The following NEBL variants were observed in gnomAD, a reference collection of about 807,000 sequenced individuals.
NEBL encodes LIM and SH3 protein 2.
Under a neutral mutation model 140.2 loss-of-function variants are expected in NEBL, and 122 were observed. The observed-to-expected ratio is 0.87, with a 90% CI of 0.75 to 1.01. The LOEUF (loss-of-function observed/expected upper bound fraction) is 1.01, where lower values mean the gene tolerates loss of function less well. Among genes scored for constraint, NEBL ranks in the 50% least tolerant of loss-of-function variants. The probability of loss-of-function intolerance (pLI) is 0.00; values close to 1 mark genes in which losing one functional copy is unlikely to be tolerated. For synonymous variants in NEBL, 436 were observed against 398.9 expected (o/e 1.09, Z -1.11); for missense variants, 1,365 against 1,231.3 (o/e 1.11, Z -1.62).
At chr10:20,815,925 T>C (rs370741957) in intron 21 of NEBL, 100 of 546,592 alleles carry the variant, frequency 1.8e-4, no homozygotes, top group African/African-American at 1.7e-3. Context: ...CCTGCCACCA[T>C]GCCTGGCTAA....
At chr10:21,034,188 A>G (rs1223295976) in intron 2 of NEBL, among the ~76,000 whole-genome samples, 1 of 150,730 alleles carries the variant, frequency 6.6e-6, no homozygotes, top group East Asian at 1.9e-4. Flanking sequence ...AAAAAAAAAA[A>G]AAGACCCAAA....
intron 2 of NEBL, among the ~76,000 whole-genome samples, chr10:21,087,993 T>G (rs976645431): frequency 2.0e-5 from 3 of 152,224 alleles, no homozygotes; most frequent in East Asian, 3.8e-4. Flanking sequence ...ATATTATGTA[T>G]CAGTCAGAAC....
chr10:21,263,565 C>T lies in NEBL; in HGVS notation n.183-11737G>A, dbSNP rs369794947. The stretch of plus-strand genomic sequence containing the variant: ...ACTTGTGTGTGCTCTCCTATCTCCC[C>T]GGGGGTTAGTTTTGGGAAGGGACTA... On this transcript the variant is annotated intron_variant and non_coding_transcript_variant, in intron 1 of 8. Transcript: ENST00000675702. 7.2e-5 allele frequency among the ~76,000 whole-genome samples: 11 copies of T among 152,074 alleles called. No individual in the cohort carries two copies. The East Asian group carries it at 1.2e-3, about 16-fold the overall frequency.
rs376692428 is a variant in NEBL at position 20,809,882 on chromosome 10, G to A, written c.2535C>T (p.Arg845=). ...PGIIVDLKVW[R]TDPGSIFDLD... is the part of the protein sequence containing the mutation. ...GGTCGAAGATGGAGCCAGGATCTGT[G>A]CGCCAAACTTTGAGGTCTTTTGCCA... The change falls in exon 25 of 28, where the codon CGC becomes CGT. Residue 845 remains arginine, a synonymous_variant. Transcript: ENST00000377122. The A allele has an allele frequency of 6.2e-7, 1 of 1,611,614 alleles. No individual in the cohort carries two copies. Among genetic ancestry groups the A allele is most frequent in the African/African-American group, 1.3e-5 (1 of 74,294 alleles).
intron 2 of NEBL, among the ~76,000 whole-genome samples, chr10:21,079,589 G>T (rs1836275208): frequency 1.3e-5 from 2 of 152,274 alleles, no homozygotes; most frequent in South Asian, 4.1e-4. Context: ...ATAAACATAG[G>T]GAGGCTCAAC....
At chr10:20,902,127 G>A (rs1467578856), upstream of NEBL, among the ~76,000 whole-genome samples, 1 of 152,062 alleles carries the variant, frequency 6.6e-6, no homozygotes, top group Non-Finnish European at 1.5e-5. Context: ...AAGGTGGCCG[G>A]GCGCGGTGGC....
intron 3 of NEBL, among the ~76,000 whole-genome samples, chr10:20,991,418 T>G (rs999195422): frequency 6.6e-6 from 1 of 152,150 alleles, no homozygotes; most frequent in Non-Finnish European, 1.5e-5. Flanking sequence ...TATCATAAAT[T>G]TTGAACAAAA....
chr10:20,997,415 T>C (rs1589121279), intron 3 of NEBL, among the ~76,000 whole-genome samples: 2 of 128,644 alleles, frequency 1.6e-5, no homozygotes, highest in South Asian at 5.1e-4. Context: ...ACAGTCACCA[T>C]TAGGTACCCC....
intron 2 of NEBL, among the ~76,000 whole-genome samples, chr10:21,057,542 C>CTTTTTTTTTTTT (rs5783764): frequency 1.4e-5 from 1 of 71,728 alleles, no homozygotes; most frequent in Non-Finnish European, 2.3e-5. Context: ...AATGAAATTC[C>CTTTTTTTTTTTT]TTTTTTTTTT....
At chr10:20,964,540 T>G (rs1004593757) in intron 3 of NEBL, among the ~76,000 whole-genome samples, 1 of 152,074 alleles carries the variant, frequency 6.6e-6, no homozygotes, top group South Asian at 2.1e-4. Flanking sequence ...AGCTCTCACG[T>G]GAACTCATTG....
intron 26 of NEBL, among the ~76,000 whole-genome samples, chr10:20,796,696 C>T (rs111789191): frequency 2.0e-5 from 3 of 152,126 alleles, no homozygotes; most frequent in African/African-American, 2.4e-5. Context: ...CATTTAGATT[C>T]GAATTGCCAC....
chr10:21,269,257 A>G (rs1348086778), intron 1 of NEBL, among the ~76,000 whole-genome samples: 1 of 152,104 alleles, frequency 6.6e-6, no homozygotes, highest in African/African-American at 2.4e-5. Flanking sequence ...CAGATGCTGA[A>G]CTCCAAGGGC....
In NEBL at chr10:20,780,723, G is replaced by A. The variant is rs920207258; in HGVS notation, c.*5024C>T. The A allele has an allele frequency of 2.0e-5, 3 of 152,126 alleles. No homozygotes were observed. Among genetic ancestry groups the A allele is most frequent in the African/African-American group, 7.2e-5 (3 of 41,418 alleles). The allele number at this position is 152,126 out of a possible 1,614,324, so 9.4% of individuals were successfully genotyped here. ...TTATAATGTTTTACAAATACAGAGA[G>A]AAAACACAGAATATTAAGACCCTGA... On this transcript the variant is annotated 3_prime_UTR_variant, in exon 28 of 28. Transcript: ENST00000377122.
At chr10:21,228,842 T>C (rs1842207329) in intron 3 of NEBL, among the ~76,000 whole-genome samples, 1 of 152,194 alleles carries the variant, frequency 6.6e-6, no homozygotes, top group African/African-American at 2.4e-5. Flanking sequence ...GGACTATTTC[T>C]AAATCCCTGC....
chr10:20,988,658 C>T (rs1166485461), intron 3 of NEBL, among the ~76,000 whole-genome samples: 6 of 152,216 alleles, frequency 3.9e-5, no homozygotes, highest in Admixed American at 1.3e-4. Flanking sequence ...ACCTAGATCC[C>T]TGTTTTTCTG....
intron 3 of NEBL, among the ~76,000 whole-genome samples, chr10:21,012,619 T>C (rs1403448254): frequency 6.6e-6 from 1 of 152,172 alleles, no homozygotes; most frequent in Non-Finnish European, 1.5e-5. Context: ...GTGATCCTCC[T>C]GCTTCAGCCT....
chr10:21,183,240 C>A lies in NEBL; in HGVS notation n.349-10763G>T, dbSNP rs114326511. 6.8e-3 allele frequency among the ~76,000 whole-genome samples: 1,034 copies of A among 152,048 alleles called. 9 individuals carry two copies. Among genetic ancestry groups the A allele is most frequent in the African/African-American group, 0.023 (941 of 41,440 alleles). On this transcript the variant is annotated intron_variant and non_coding_transcript_variant, in intron 3 of 8. Transcript: ENST00000675702. Reference sequence around the variant, plus strand: ...AAATAGCAGAGATGAATGAATGAGTCACCATGAGAGAGAGACAAGAAGAGG... The same window carrying A: ...AAATAGCAGAGATGAATGAATGAGTAACCATGAGAGAGAGACAAGAAGAGG...
In NEBL at chr10:21,021,834, C is replaced by T. The variant is rs140175793; in HGVS notation, c.165-1633G>A. ...GCATTCCTGCCTATATCGCTAGCAC[C>T]TGCTAGTGTCTGCCTCTTAGTGTGA... On this transcript the variant is annotated intron_variant, in intron 2 of 6. Coordinates refer to the NEBL transcript ENST00000417816. Among the ~76,000 whole-genome samples the T allele has an allele frequency of 4.5e-3, 690 of 152,282 alleles. 5 individuals are homozygous for T. The highest frequency in any genetic ancestry group is 8.4e-3 in the Admixed American group (128 of 15,288).
At chr10:21,244,344 T>TC (rs989059178) in intron 3 of NEBL, among the ~76,000 whole-genome samples, 13 of 151,722 alleles carry the variant, frequency 8.6e-5, no homozygotes, top group Non-Finnish European at 1.8e-4. Context: ...TTTTGTATTT[T>TC]TTTTTTTTCA....
Sources: allele counts gnomAD v4.1 joint callset (sites outside exome capture counted in the v4.1 genomes callset), GRCh38; gene constraint gnomAD v4.1.1; transcripts MANE v1.5; gene names NCBI Gene and HGNC (gene_info 2026-07-23, HGNC 2026-07-21).